ZER1: variants seen among roughly 807,000 people sequenced by gnomAD.
The protein encoded by ZER1 is protein zer-1 homolog.
In ZER1, 11 loss-of-function variants were observed where a neutral mutation model predicts 78.8. The ratio of observed to expected loss-of-function variants is 0.14; its 90% confidence interval spans 0.09 to 0.23. The LOEUF (loss-of-function observed/expected upper bound fraction) is 0.23. Ranked by LOEUF, ZER1 falls within the 10% of genes least tolerant of loss-of-function variation. ZER1 has a pLI of 1.00. For synonymous variants in ZER1, 400 were observed against 407.0 expected (o/e 0.98, Z 0.21); for missense variants, 588 against 996.9 (o/e 0.59, Z 5.52).
At chr9:128,770,047 T>A (rs1468378150) in intron 1 of ZER1, among the ~76,000 whole-genome samples, 1 of 152,100 alleles carries the variant, frequency 6.6e-6, no homozygotes, top group Non-Finnish European at 1.5e-5. Context: ...CTTTTTCTGG[T>A]CCCCACTGTT....
intron 14 of ZER1, among the ~76,000 whole-genome samples, 173 bp from the exon 15 acceptor site, chr9:128,733,701 G>A (rs1862920257): frequency 6.6e-6 from 1 of 151,548 alleles, no homozygotes; most frequent in South Asian, 2.1e-4. Flanking sequence ...CCCCATGGGT[G>A]GGAGTTCTGC....
At chr9:128,739,214 T>A (rs1863201968) in intron 13 of ZER1, among the ~76,000 whole-genome samples, 1 of 151,908 alleles carries the variant, frequency 6.6e-6, no homozygotes. Flanking sequence ...CTTGAAATCT[T>A]GGGCTCAGCT....
intron 9 of ZER1, 98 bp downstream of exon 9, chr9:128,742,432 C>T: frequency 7.0e-7 from 1 of 1,435,834 alleles, no homozygotes; most frequent in South Asian, 1.2e-5. Flanking sequence ...TCTCCGACTC[C>T]CAGCCCCAGG....
In ZER1 at chr9:128,751,221, G is replaced by C; in HGVS notation, c.1086C>G (p.Ala362=). 6.2e-7 allele frequency: 1 copy of C among 1,605,998 alleles called. No individual in the cohort carries two copies. The highest frequency in any genetic ancestry group is 8.5e-7 in the Non-Finnish European group (1 of 1,173,306). The part of the protein sequence containing the change: ...NEEQVLNAIE[A]YTEHRPEITS... ...TGATCTCAGGCCGGTGCTCCGTGTAGGCCTCGATGGCATTCAGCACCTGCT... is the reference window on the plus strand; with the variant it reads ...TGATCTCAGGCCGGTGCTCCGTGTACGCCTCGATGGCATTCAGCACCTGCT... Residue 362 remains alanine, a synonymous_variant, in exon 7 of 16, where the codon GCC becomes GCG. Transcript: ENST00000291900. The surrounding 1 kb of genome is among the most constrained non-coding windows in gnomAD (Gnocchi z 5.4).
At chr9:128,766,432 G>A (rs1198599036) in intron 1 of ZER1, among the ~76,000 whole-genome samples, 12 of 152,004 alleles carry the variant, frequency 7.9e-5, no homozygotes, top group East Asian at 1.9e-4. Context: ...CAAGGCAGGA[G>A]TTACCATCTA....
chr9:128,730,774 G>A lies in ZER1; in HGVS notation c.*563C>T, dbSNP rs925470183. ...AATGGCTCACTTTCCTGCCCCAGAT[G>A]GCCCACAGCCGGGAGCACCAAGGCT... On this transcript the variant is annotated 3_prime_UTR_variant, in exon 16 of 16. Transcript: ENST00000291900. 3 of 152,804 alleles carry A rather than the reference G, an allele frequency of 2.0e-5. No individual in the cohort carries two copies. The highest frequency in any genetic ancestry group is 6.5e-5 in the Admixed American group (1 of 15,290). The allele number at this position is 152,804 out of a possible 1,614,324, so 9.5% of individuals were successfully genotyped here.
intron 8 of ZER1, among the ~76,000 whole-genome samples, chr9:128,743,376 A>G (rs1448403477): frequency 1.3e-5 from 2 of 151,896 alleles, no homozygotes; most frequent in African/African-American, 4.8e-5. Context: ...TTGGCCTCCC[A>G]AAGTGTTGGG....
intron 8 of ZER1, among the ~76,000 whole-genome samples, chr9:128,746,990 G>C (rs1398192147): frequency 6.6e-6 from 1 of 152,020 alleles, no homozygotes; most frequent in Non-Finnish European, 1.5e-5. Context: ...GAGGCTAGGA[G>C]GAGTTCCAGA....
At position 128,740,687 on chromosome 9, in the gene ZER1, A is replaced by C. The variant is rs1462836033; in HGVS notation, c.1853+85T>G. On this transcript the variant is annotated intron_variant, in intron 12 of 15. Coordinates refer to ENST00000291900, the MANE Select transcript of ZER1 (RefSeq NM_006336.4). This position sits in a 1 kb window ranked among gnomAD's most constrained non-coding sequence, Gnocchi z 4.4. Reference sequence around the variant, plus strand: ...TGACATTTATAGCAAACCTAGGCTAAGAGCAGTTGTGCAACTGAGCAAACG... The same window carrying C: ...TGACATTTATAGCAAACCTAGGCTACGAGCAGTTGTGCAACTGAGCAAACG... The C allele has an allele frequency of 2.8e-6, 2 of 704,742 alleles. No homozygotes were observed. Among genetic ancestry groups the C allele is most frequent in the African/African-American group, 3.5e-5 (2 of 56,394 alleles). The allele number at this position is 704,742 out of a possible 1,614,324, so 43.7% of individuals were successfully genotyped here.
Position 128,740,189 on chromosome 9 carries a change from C to T in ZER1, c.1854-70G>A. 1 of 1,451,920 alleles carries T rather than the reference C, an allele frequency of 6.9e-7. No individual in the cohort carries two copies. Among genetic ancestry groups the T allele is most frequent in the Non-Finnish European group, 9.3e-7 (1 of 1,076,812 alleles). The allele number at this position is 1,451,920 out of a possible 1,614,324, so 89.9% of individuals were successfully genotyped here. Reference sequence around the variant, plus strand: ...TCTCTTCAGATACCAGCGGCAGGACCCCAACTTAAAACCAGAAGCAAGAGG... The same window carrying T: ...TCTCTTCAGATACCAGCGGCAGGACTCCAACTTAAAACCAGAAGCAAGAGG... On this transcript the variant is annotated intron_variant, in intron 12 of 15. Transcript: ENST00000291900. The surrounding 1 kb of genome is among the most constrained non-coding windows in gnomAD (Gnocchi z 4.4).
rs540873746 is a variant in ZER1, at chr9:128,742,611, G to A, written c.1494C>T (p.Ile498=). The change falls in exon 9 of 16, where the codon ATC becomes ATT. Residue 498 remains isoleucine (I), a synonymous_variant. Coordinates refer to ENST00000291900, the MANE Select transcript of ZER1 (RefSeq NM_006336.4). ...CCAGGGCATTGCACAGGTGCACGGCGATCCGCTGGATAGACTCGTCCTGCC... is the reference window on the plus strand; with the variant it reads ...CCAGGGCATTGCACAGGTGCACGGCAATCCGCTGGATAGACTCGTCCTGCC... ...PTRQDESIQR[I]AVHLCNALVC... 8.1e-6 allele frequency: 13 copies of A among 1,614,136 alleles called. No individual in the cohort carries two copies. The highest frequency in any genetic ancestry group is 1.6e-4 in the Middle Eastern group (1 of 6,080).
In ZER1 at chr9:128,750,651, C is replaced by T; in HGVS notation, c.1324G>A (p.Val442Met). Residue 442 changes from valine (V) to methionine (M), a missense_variant, in exon 8 of 16, where the codon GTG becomes ATG. This residue lies in a region of ZER1 where 406 missense variants were observed against 660.1 expected (regional missense o/e 0.62). Transcript: ENST00000291900. ...VKLRRQVIQV[V>M]LNGMESYQEV... Reference sequence around the variant, plus strand: ...TGGTAGGATTCCATGCCATTCAGCACCACCTGGATAACCTGCCGGCGCAGC... The same window carrying T: ...TGGTAGGATTCCATGCCATTCAGCATCACCTGGATAACCTGCCGGCGCAGC... The T allele has an allele frequency of 6.2e-6, 10 of 1,614,232 alleles. No individual in the cohort carries two copies. Among genetic ancestry groups the T allele is most frequent in the Non-Finnish European group, 8.5e-6 (10 of 1,180,030 alleles).
chr9:128,760,639 A>C (rs1864011591), intron 1 of ZER1, among the ~76,000 whole-genome samples: 1 of 152,062 alleles, frequency 6.6e-6, no homozygotes, highest in Non-Finnish European at 1.5e-5. Context: ...CAAAATACAA[A>C]AAAAAAAGCT....
intron 1 of ZER1, among the ~76,000 whole-genome samples, chr9:128,761,608 T>G (rs199622287): frequency 2.0e-4 from 28 of 143,042 alleles, no homozygotes; most frequent in African/African-American, 4.8e-4. Context: ...AATTTGTTTT[T>G]TTTTTTTTTT....
chr9:128,759,634 A>G (rs1471251416), intron 1 of ZER1, among the ~76,000 whole-genome samples: 1 of 151,856 alleles, frequency 6.6e-6, no homozygotes, highest in African/African-American at 2.4e-5. Context: ...TCTCTACTAA[A>G]AATAGAAAAA....
intron 1 of ZER1, among the ~76,000 whole-genome samples, chr9:128,765,796 G>A (rs1462481042): frequency 6.6e-6 from 1 of 150,656 alleles, no homozygotes; most frequent in Non-Finnish European, 1.5e-5. Flanking sequence ...GGGATCTCCA[G>A]GTGGTCGGGA....
intron 14 of ZER1, 97 bp from the exon 15 acceptor site, chr9:128,733,625 C>CG (rs2132380467): frequency 8.7e-7 from 1 of 1,143,876 alleles, no homozygotes; most frequent in Non-Finnish European, 1.3e-6. Context: ...ATCCTGGTGT[C>CG]GGGGGTGTGA....
chr9:128,731,151 AATAT>A lies in ZER1; in HGVS notation c.*182_*185del, dbSNP rs932193386. Reference sequence around the variant, plus strand: ...CTTCACACTTCCTAACCAAAAAAAAAATATATATATATAATATATATATATCTCA... The same window carrying A: ...CTTCACACTTCCTAACCAAAAAAAAAATATATATAATATATATATATCTCA... On this transcript the variant is annotated 3_prime_UTR_variant, in exon 16 of 16. Transcript: ENST00000291900. 2.0e-5 allele frequency: 5 copies of A among 245,574 alleles called. 1 individual carries two copies. Among genetic ancestry groups the A allele is most frequent in the Non-Finnish European group, 3.0e-5 (4 of 134,156 alleles). 15.2% of individuals were successfully genotyped at this position (245,574 alleles called of 1,614,324 possible).
chr9:128,740,711 C>T lies in ZER1; in HGVS notation c.1853+61G>A, dbSNP rs1265057758. Reference sequence around the variant, plus strand: ...AAGAGCAGTTGTGCAACTGAGCAAACGCTAGAGCTCTGAGCATTGTGGCAG... The same window carrying T: ...AAGAGCAGTTGTGCAACTGAGCAAATGCTAGAGCTCTGAGCATTGTGGCAG... On this transcript the variant is annotated intron_variant, in intron 12 of 15. Coordinates refer to ENST00000291900, the MANE Select transcript of ZER1 (RefSeq NM_006336.4). This position sits in a 1 kb window ranked among gnomAD's most constrained non-coding sequence, Gnocchi z 4.4. 1.2e-5 allele frequency: 9 copies of T among 761,662 alleles called. No homozygotes were observed. The highest frequency in any genetic ancestry group is 1.8e-5 in the Admixed American group (1 of 55,656). The allele number at this position is 761,662 out of a possible 1,614,324, so 47.2% of individuals were successfully genotyped here.
Sources: allele counts gnomAD v4.1 joint callset (sites outside exome capture counted in the v4.1 genomes callset), GRCh38; gene constraint gnomAD v4.1.1; regional missense constraint gnomAD v4.1.1; non-coding constraint Gnocchi (gnomAD v3.1); transcripts MANE v1.5; gene names NCBI Gene and HGNC (gene_info 2026-07-23, HGNC 2026-07-21).